TENT2: variants seen among roughly 807,000 people sequenced by gnomAD.
TENT2 encodes the protein poly(A) RNA polymerase GLD2.
In TENT2, 44 loss-of-function variants were observed where a neutral mutation model predicts 72.2. The observed-to-expected ratio is 0.61, with a 90% CI of 0.48 to 0.78. TENT2 has a LOEUF of 0.78. TENT2 is among the 30% of genes least tolerant of loss of function. TENT2 has a pLI of 0.00. For missense variants in TENT2, 541 were observed against 569.6 expected (o/e 0.95, Z 0.51); for synonymous variants, 212 against 192.5 (o/e 1.10, Z -0.84).
chr5:79,616,516 C>T (rs954331140), intron 1 of TENT2, among the ~76,000 whole-genome samples: 2 of 151,226 alleles, frequency 1.3e-5, no homozygotes, highest in African/African-American at 4.9e-5. Flanking sequence ...TGGGGTTTTA[C>T]CGTGTTGCCC....
At chr5:79,657,809 T>A (rs1798991308) in intron 11 of TENT2, among the ~76,000 whole-genome samples, 1 of 152,198 alleles carries the variant, frequency 6.6e-6, no homozygotes, top group South Asian at 2.1e-4. Flanking sequence ...AACCACGTAA[T>A]TTTTACATAT....
At chr5:79,670,010 G>A (rs1009865861) in intron 12 of TENT2, among the ~76,000 whole-genome samples, 40 of 151,584 alleles carry the variant, frequency 2.6e-4, no homozygotes, top group Non-Finnish European at 5.3e-4. Flanking sequence ...AGGTGAGGTC[G>A]CGAGTTCGAG....
intron 10 of TENT2, among the ~76,000 whole-genome samples, chr5:79,653,046 T>A (rs2150222335): frequency 6.6e-6 from 1 of 152,278 alleles, no homozygotes; most frequent in South Asian, 2.1e-4. Context: ...GACTAAAGCA[T>A]TTAGCATACA....
intron 12 of TENT2, among the ~76,000 whole-genome samples, chr5:79,672,627 A>G (rs1299208884): frequency 1.3e-5 from 2 of 152,180 alleles, no homozygotes; most frequent in African/African-American, 4.8e-5. Flanking sequence ...TGATGTTGCA[A>G]ATGAGAGGAT....
chr5:79,619,800 A>G lies in TENT2; in HGVS notation c.137+15A>G, dbSNP rs1763265308. The G allele has an allele frequency of 1.9e-6, 3 of 1,603,770 alleles. No individual in the cohort carries two copies. Among genetic ancestry groups the G allele is most frequent in the Non-Finnish European group, 2.6e-6 (3 of 1,174,996 alleles). On this transcript the variant is annotated intron_variant, in intron 2 of 14. Coordinates refer to ENST00000453514, the MANE Select transcript of TENT2 (RefSeq NM_001114394.3). ...CAGAATGCAGAGTGAGTATGGTGAT[A>G]TTTTGGCCCATGTTGTTGGTAAATT...
chr5:79,665,313 C>T (rs1255590163), intron 11 of TENT2, among the ~76,000 whole-genome samples: 1 of 152,144 alleles, frequency 6.6e-6, no homozygotes, highest in Non-Finnish European at 1.5e-5. Flanking sequence ...TCATCTTTGA[C>T]TTAAGCCTTT....
At position 79,666,134 on chromosome 5, in the gene TENT2, G is replaced by A. The variant is rs865854703; in HGVS notation, c.1072-2758G>A. ...CTCCTGAGTAGCTGGGATTACAGGCGCCCGCCACCATGTCCAGCTAATTTT... is the reference window on the plus strand; with the variant it reads ...CTCCTGAGTAGCTGGGATTACAGGCACCCGCCACCATGTCCAGCTAATTTT... On this transcript the variant is annotated intron_variant, in intron 11 of 14. Coordinates refer to ENST00000453514, the MANE Select transcript of TENT2 (RefSeq NM_001114394.3). Among the ~76,000 whole-genome samples the A allele has an allele frequency of 4.6e-5, 7 of 151,294 alleles. No individual in the cohort carries two copies. In the Middle Eastern group the frequency reaches 0.017, roughly 370 times the overall value.
At chr5:79,633,432 G>GTTTTTTTTTTT (rs539713889) in intron 4 of TENT2, among the ~76,000 whole-genome samples, 2 of 80,350 alleles carry the variant, frequency 2.5e-5, no homozygotes, top group African/African-American at 4.9e-5. Context: ...CAGCTAAAAA[G>GTTTTTTTTTTT]TTTTTTTTTT....
intron 10 of TENT2, among the ~76,000 whole-genome samples, chr5:79,655,067 GT>G (rs759584178): frequency 2.0e-5 from 3 of 152,050 alleles, no homozygotes; most frequent in Non-Finnish European, 4.4e-5. Context: ...TGAACCTGTA[GT>G]CCAGAATTCT....
rs79587926 is a variant in TENT2 at position 79,645,526 on chromosome 5, A to T, written c.821+334A>T. On this transcript the variant is annotated intron_variant, in intron 8 of 14. Coordinates refer to ENST00000453514, the MANE Select transcript of TENT2 (RefSeq NM_001114394.3). ...AATTAATGAAATTTGACATGTACTAATATCAAGGGGTTTGTTTTAAATACA... is the reference window on the plus strand; with the variant it reads ...AATTAATGAAATTTGACATGTACTATTATCAAGGGGTTTGTTTTAAATACA... 7.2e-5 allele frequency among the ~76,000 whole-genome samples: 11 copies of T among 152,274 alleles called. No homozygotes were observed. The East Asian group carries it at 2.1e-3, about 29-fold the overall frequency.
chr5:79,626,306 ATT>A (rs36064690), intron 4 of TENT2, among the ~76,000 whole-genome samples: 17 of 129,950 alleles, frequency 1.3e-4, no homozygotes, highest in Non-Finnish European at 1.2e-4. Context: ...TGCCCAGCTA[ATT>A]TTTTTTTTTT....
intron 10 of TENT2, among the ~76,000 whole-genome samples, chr5:79,651,483 A>G (rs746968737): frequency 6.6e-6 from 1 of 152,038 alleles, no homozygotes; most frequent in Non-Finnish European, 1.5e-5. Context: ...CCATCACTTC[A>G]TAAAAGATGG....
intron 4 of TENT2, among the ~76,000 whole-genome samples, chr5:79,626,158 G>A (rs777441826): frequency 1.3e-4 from 20 of 151,056 alleles, no homozygotes; most frequent in South Asian, 1.1e-3. Context: ...CTTTAGAGAT[G>A]AGGCTCTTGC....
intron 12 of TENT2, among the ~76,000 whole-genome samples, chr5:79,677,185 G>A (rs186086704): frequency 6.6e-6 from 1 of 152,280 alleles, no homozygotes; most frequent in Admixed American, 6.5e-5. Context: ...AAATGCAGTA[G>A]ATTGAATCAG....
rs150808805 is a variant in TENT2, at chr5:79,619,744, C to G, written c.96C>G (p.His32Gln). The G allele has an allele frequency of 1.4e-5, 22 of 1,613,662 alleles. No homozygotes were observed. Among genetic ancestry groups the G allele is most frequent in the Admixed American group, 3.3e-5 (2 of 59,984 alleles). Residue 32 changes from histidine (H) to glutamine (Q), a missense_variant, in exon 2 of 15, where the codon CAC becomes CAG. By Grantham distance (24) the His-to-Gln change is conservative. Transcript: ENST00000453514. ...CCCTGTCACCTACTGTTTATTCACA[C>G]CAGCAGCTTATAGATGCACAATTCA... The part of the protein sequence containing the change: ...FFTLSPTVYS[H>Q]QQLIDAQFNF...
At chr5:79,614,654 G>C (rs187970437) in intron 1 of TENT2, among the ~76,000 whole-genome samples, 110 of 152,240 alleles carry the variant, frequency 7.2e-4, no homozygotes, top group African/African-American at 2.6e-3. Flanking sequence ...AGTTAATGTG[G>C]AGTAACGTTT....
chr5:79,666,057 C>T (rs1005277825), intron 11 of TENT2, among the ~76,000 whole-genome samples: 3 of 148,400 alleles, frequency 2.0e-5, no homozygotes, highest in South Asian at 2.1e-4. Flanking sequence ...GGCGTGGATT[C>T]GGCTTACTGC....
chr5:79,659,874 A>T (rs1801383411), intron 11 of TENT2, among the ~76,000 whole-genome samples: 1 of 140,088 alleles, frequency 7.1e-6, no homozygotes, highest in African/African-American at 3.0e-5. Flanking sequence ...GATTGTTCAT[A>T]TACAGATATA....
At chr5:79,669,934 G>A (rs1050295910) in intron 12 of TENT2, among the ~76,000 whole-genome samples, 4 of 152,042 alleles carry the variant, frequency 2.6e-5, no homozygotes, top group African/African-American at 9.7e-5. Context: ...TAGCTAATAA[G>A]AGTAGTATTT....
Sources: allele counts gnomAD v4.1 joint callset (sites outside exome capture counted in the v4.1 genomes callset), GRCh38; gene constraint gnomAD v4.1.1; transcripts MANE v1.5; gene names NCBI Gene and HGNC (gene_info 2026-07-23, HGNC 2026-07-21).